DAAM1: variants seen among roughly 807,000 people sequenced by gnomAD.
The protein encoded by DAAM1 is dishevelled associated activator of morphogenesis 1, also known as disheveled-associated activator of morphogenesis 1.
A neutral mutation model predicts 130.0 loss-of-function variants in DAAM1; 52 were observed. The observed-to-expected ratio is 0.40, with a 90% CI of 0.32 to 0.50. DAAM1 has a LOEUF of 0.50. Ranked by LOEUF, DAAM1 falls within the 20% of genes least tolerant of loss-of-function variation. The pLI, the probability that DAAM1 is intolerant of heterozygous loss-of-function variation, is 0.61. For missense variants in DAAM1, 1,134 were observed against 1,303.8 expected, an observed-to-expected ratio of 0.87 and a Z score of 2.01; for synonymous variants, 452 against 444.5, an observed-to-expected ratio of 1.02 and a Z score of -0.21.
At chr14:59,255,250 G>T (rs984718308) in intron 1 of DAAM1, among the ~76,000 whole-genome samples, 1 of 152,124 alleles carries the variant, frequency 6.6e-6, no homozygotes, top group African/African-American at 2.4e-5. Context: ...AAGTGTATGG[G>T]CAGGGCTGTC....
At position 59,289,060 on chromosome 14, in the gene DAAM1, C is replaced by T. The variant is rs543475105; in HGVS notation, c.184-2157C>T. Among the ~76,000 whole-genome samples, 5 of 152,214 alleles carry T rather than the reference C, an allele frequency of 3.3e-5. No individual in the cohort carries two copies. The South Asian group carries it at 6.2e-4, about 19-fold the overall frequency. On this transcript the variant is annotated intron_variant, in intron 2 of 24. Coordinates refer to ENST00000360909, the MANE Select transcript of DAAM1 (RefSeq NM_001270520.2). ...CCTCCTGAGTAGCTGGGACTACAGG[C>T]GTGTGCCACCACACCCAGCTAATCT...
At chr14:59,205,646 T>C (rs979297679) in intron 1 of DAAM1, among the ~76,000 whole-genome samples, 20 of 152,234 alleles carry the variant, frequency 1.3e-4, no homozygotes, top group African/African-American at 4.8e-4. Flanking sequence ...AAGACAGGTC[T>C]TTTGTCCTTA....
intron 1 of DAAM1, among the ~76,000 whole-genome samples, chr14:59,226,494 C>T (rs994699601): frequency 2.0e-5 from 3 of 152,130 alleles, no homozygotes; most frequent in African/African-American, 7.2e-5. Context: ...GTCAATTTCT[C>T]ACATCTTAGG....
intron 8 of DAAM1, among the ~76,000 whole-genome samples, 180 bp downstream of exon 8, chr14:59,324,634 G>A (rs926330763): frequency 3.9e-5 from 6 of 152,232 alleles, no homozygotes; most frequent in African/African-American, 1.4e-4. Context: ...GAGGGAAGCA[G>A]CACATTATGT....
Position 59,360,742 on chromosome 14 carries a change from T to C in DAAM1, c.2634-60T>C, listed in dbSNP as rs971800491. 9.7e-6 allele frequency: 14 copies of C among 1,439,948 alleles called. No homozygotes were observed. In the Admixed American group the frequency reaches 2.7e-4, roughly 28 times the overall value. The allele number at this position is 1,439,948 out of a possible 1,614,324, so 89.2% of individuals were successfully genotyped here. On this transcript the variant is annotated intron_variant, in intron 21 of 24. Transcript: ENST00000360909. ...TCCAAGCGTGAAATATTTAAACCCA[T>C]CTTATATTTAATATGTGTAAGTCAC...
At chr14:59,354,326 C>T (rs1886396704) in intron 19 of DAAM1, among the ~76,000 whole-genome samples, 1 of 152,190 alleles carries the variant, frequency 6.6e-6, no homozygotes, top group Non-Finnish European at 1.5e-5. Context: ...TCCCAAAGTG[C>T]TGGGATTACA....
intron 23 of DAAM1, among the ~76,000 whole-genome samples, chr14:59,365,517 A>G (rs928143730): frequency 3.9e-5 from 6 of 152,198 alleles, no homozygotes; most frequent in African/African-American, 1.4e-4. Context: ...CTCAGTGAAG[A>G]CAGAAATGGT....
chr14:59,272,438 T>C (rs1882750078), intron 2 of DAAM1, among the ~76,000 whole-genome samples: 6 of 152,006 alleles, frequency 3.9e-5, no homozygotes, highest in Admixed American at 3.9e-4. Context: ...TAGCCAGATG[T>C]GGTGGCACAT....
At chr14:59,252,598 T>G (rs1168705805) in intron 1 of DAAM1, among the ~76,000 whole-genome samples, 1 of 152,242 alleles carries the variant, frequency 6.6e-6, no homozygotes, top group Non-Finnish European at 1.5e-5. Context: ...ACCAGTCTCA[T>G]GCCAGGAATT....
chr14:59,338,836 A>G lies in DAAM1; in HGVS notation c.1969-1238A>G, dbSNP rs935165925. On this transcript the variant is annotated intron_variant, in intron 15 of 24. Transcript: ENST00000360909. The stretch of plus-strand genomic sequence containing the variant: ...ATAAGACTTGGACTATTGTCTTCTG[A>G]TAGTTATCAAGTACTTTTTATAGAT... 3.3e-5 allele frequency among the ~76,000 whole-genome samples: 5 copies of G among 152,242 alleles called. No individual in the cohort carries two copies. The South Asian group carries it at 1.0e-3, about 32-fold the overall frequency.
chr14:59,242,466 A>T (rs1169648985), intron 1 of DAAM1, among the ~76,000 whole-genome samples: 1 of 152,202 alleles, frequency 6.6e-6, no homozygotes, highest in African/African-American at 2.4e-5. Context: ...ACAGTGACTG[A>T]TCTCTTATAG....
rs559804456 is a variant in DAAM1 at position 59,238,268 on chromosome 14, C to G, written c.-37-25173C>G. Among the ~76,000 whole-genome samples, 18 of 152,222 alleles carry G rather than the reference C, an allele frequency of 1.2e-4. No homozygotes were observed. In the East Asian group the frequency reaches 3.5e-3, roughly 29 times the overall value. On this transcript the variant is annotated intron_variant, in intron 1 of 24. Transcript: ENST00000360909. The stretch of plus-strand genomic sequence containing the variant: ...CCCTTGCCTTCCGCTCCACTAAGAC[C>G]TAGCAGTCCTCTAAAGCCTCATTCA...
intron 20 of DAAM1, among the ~76,000 whole-genome samples, chr14:59,357,079 C>T (rs1886509724): frequency 6.6e-6 from 1 of 152,222 alleles, no homozygotes; most frequent in African/African-American, 2.4e-5. Context: ...AGGGAAGAAT[C>T]AAATGTGTGG....
intron 1 of DAAM1, among the ~76,000 whole-genome samples, chr14:59,225,134 T>G (rs1177720914): frequency 3.3e-5 from 5 of 149,976 alleles, no homozygotes; most frequent in Non-Finnish European, 7.4e-5. Flanking sequence ...TTCAAGTGAT[T>G]CTTCTGCCTC....
At chr14:59,230,285 G>C (rs1002304626) in intron 1 of DAAM1, among the ~76,000 whole-genome samples, 1 of 150,102 alleles carries the variant, frequency 6.7e-6, no homozygotes, top group Non-Finnish European at 1.5e-5. Context: ...CTGCAGCCGA[G>C]GGGGGTGATG....
At chr14:59,270,306 C>T (rs749228498) in intron 2 of DAAM1, among the ~76,000 whole-genome samples, 39 of 152,300 alleles carry the variant, frequency 2.6e-4, no homozygotes, top group African/African-American at 8.2e-4. Flanking sequence ...GGGCCTCAGC[C>T]TGCTTCCACT....
intron 3 of DAAM1, among the ~76,000 whole-genome samples, chr14:59,312,694 C>T (rs1000523385): frequency 6.6e-6 from 1 of 152,052 alleles, no homozygotes; most frequent in Non-Finnish European, 1.5e-5. Flanking sequence ...AGCCACTGAC[C>T]AGAAATTTGG....
At chr14:59,214,666 A>T (rs572968198) in intron 1 of DAAM1, among the ~76,000 whole-genome samples, 1 of 152,204 alleles carries the variant, frequency 6.6e-6, no homozygotes, top group Non-Finnish European at 1.5e-5. Flanking sequence ...CATCCATGTC[A>T]TGGCATGTAT....
chr14:59,337,335 A>C (rs1436020525), intron 15 of DAAM1, among the ~76,000 whole-genome samples: 1 of 152,224 alleles, frequency 6.6e-6, no homozygotes, highest in Non-Finnish European at 1.5e-5. Flanking sequence ...TTTAAATGCC[A>C]TTCTAGAAAA....
Sources: allele counts gnomAD v4.1 joint callset (sites outside exome capture counted in the v4.1 genomes callset), GRCh38; gene constraint gnomAD v4.1.1; transcripts MANE v1.5; gene names NCBI Gene and HGNC (gene_info 2026-07-23, HGNC 2026-07-21).